The following NTRK2 variants were observed in gnomAD, a reference collection of about 807,000 sequenced individuals.
The protein encoded by NTRK2 is neurotrophic receptor tyrosine kinase 2.
In NTRK2, 13 loss-of-function variants were observed where a neutral mutation model predicts 94.5. The observed-to-expected ratio is 0.14, with a 90% CI of 0.09 to 0.22. NTRK2 has a LOEUF of 0.22. Among genes scored for constraint, NTRK2 ranks in the 10% least tolerant of loss-of-function variants. The pLI is 1.00. For missense variants in NTRK2, 639 were observed against 1,071.2 expected, an observed-to-expected ratio of 0.60 and a Z score of 5.63; for synonymous variants, 372 against 407.4, an observed-to-expected ratio of 0.91 and a Z score of 1.05.
chr9:84,980,119 T>G (rs796076159), intron 17 of NTRK2, among the ~76,000 whole-genome samples: 2 of 152,312 alleles, frequency 1.3e-5, no homozygotes, highest in East Asian at 1.9e-4. Context: ...CTCATCTGGA[T>G]CTCACAATTT....
chr9:84,707,991 G>A, intron 5 of NTRK2, 79 bp downstream of exon 5: 1 of 1,081,480 alleles, frequency 9.2e-7, no homozygotes, highest in South Asian at 1.3e-5. Flanking sequence ...TTTAATGAGT[G>A]ATGTTGCAGA....
chr9:84,797,417 TG>T (rs1398211746), intron 12 of NTRK2, among the ~76,000 whole-genome samples: 1 of 148,418 alleles, frequency 6.7e-6, no homozygotes, highest in Non-Finnish European at 1.5e-5. Flanking sequence ...TAACTAGTTA[TG>T]GGGGATTCCG....
chr9:84,880,294 A>G (rs1046119056), intron 14 of NTRK2, among the ~76,000 whole-genome samples: 14 of 152,164 alleles, frequency 9.2e-5, no homozygotes, highest in Non-Finnish European at 1.9e-4. Context: ...TCTGTAGGCA[A>G]TGCTGGGAGG....
chr9:84,843,461 G>A (rs937289805), intron 12 of NTRK2, among the ~76,000 whole-genome samples: 2 of 152,188 alleles, frequency 1.3e-5, no homozygotes, highest in African/African-American at 4.8e-5. Flanking sequence ...ACTGAGAGGT[G>A]AGCCAGCTGC....
At chr9:84,865,149 A>G (rs1025467363) in intron 13 of NTRK2, among the ~76,000 whole-genome samples, 1 of 152,146 alleles carries the variant, frequency 6.6e-6, no homozygotes, top group African/African-American at 2.4e-5. Flanking sequence ...TTGTCTTTGT[A>G]GTTATTCTTG....
chr9:84,693,106 T>G (rs2060153371), intron 2 of NTRK2, among the ~76,000 whole-genome samples: 1 of 152,218 alleles, frequency 6.6e-6, no homozygotes, highest in Non-Finnish European at 1.5e-5. Flanking sequence ...TTTTTAAATG[T>G]GAAAATTTTC....
chr9:84,879,556 T>G (rs2076194795), intron 14 of NTRK2, among the ~76,000 whole-genome samples: 1 of 152,130 alleles, frequency 6.6e-6, no homozygotes. Flanking sequence ...ATCTTAATAA[T>G]TGCTGCAGTA....
intron 2 of NTRK2, among the ~76,000 whole-genome samples, chr9:84,672,486 T>C (rs2058761502): frequency 6.6e-6 from 1 of 152,022 alleles, no homozygotes; most frequent in Admixed American, 6.6e-5. Flanking sequence ...ATCTTTTTCA[T>C]GAGATGGGGT....
At chr9:85,020,676 C>T (rs1047660146) in intron 18 of NTRK2, among the ~76,000 whole-genome samples, 2 of 152,196 alleles carry the variant, frequency 1.3e-5, no homozygotes, top group African/African-American at 2.4e-5. Context: ...TACAGTCCAG[C>T]AAGTTCTTTA....
intron 9 of NTRK2, among the ~76,000 whole-genome samples, chr9:84,738,820 T>G (rs1008663610): frequency 6.6e-6 from 1 of 152,224 alleles, no homozygotes; most frequent in Admixed American, 6.5e-5. Context: ...CACATTGTCT[T>G]TCTGCGAGTT....
At chr9:84,989,059 C>T (rs1006771783) in intron 17 of NTRK2, among the ~76,000 whole-genome samples, 1 of 152,176 alleles carries the variant, frequency 6.6e-6, no homozygotes, top group Non-Finnish European at 1.5e-5. Context: ...AATCAGAGAA[C>T]ACAGGTTACT....
intron 17 of NTRK2, among the ~76,000 whole-genome samples, chr9:85,018,859 G>A (rs994922507): frequency 1.3e-4 from 20 of 152,144 alleles, no homozygotes; most frequent in Admixed American, 2.6e-4. Flanking sequence ...GGAAATCTAA[G>A]GCCAATGGAA....
chr9:84,766,189 A>G (rs2066008810), intron 12 of NTRK2, among the ~76,000 whole-genome samples: 1 of 152,138 alleles, frequency 6.6e-6, no homozygotes, highest in Non-Finnish European at 1.5e-5. Flanking sequence ...TGCTACGATG[A>G]CACTGGGGCC....
At chr9:84,898,524 CTTATTTCTTATTATTT>C (rs961452766) in intron 14 of NTRK2, among the ~76,000 whole-genome samples, 3 of 150,314 alleles carry the variant, frequency 2.0e-5, no homozygotes, top group Non-Finnish European at 3.0e-5. Context: ...TTTTCTCGTT[CTTATTTCTTATTATTT>C]TTATTTCTTA....
chr9:84,742,235 C>G (rs553101380), intron 10 of NTRK2, among the ~76,000 whole-genome samples: 1 of 152,214 alleles, frequency 6.6e-6, no homozygotes, highest in African/African-American at 2.4e-5. Flanking sequence ...GCCATGGCTA[C>G]CAAGAAAAGG....
intron 14 of NTRK2, chr9:84,877,341 A>G: frequency 9.4e-7 from 1 of 1,066,036 alleles, no homozygotes; most frequent in Non-Finnish European, 1.1e-6. Flanking sequence ...GGGCGGAGCT[A>G]TGTGAAGGGT....
At chr9:84,757,110 A>G (rs1431951913) in intron 12 of NTRK2, among the ~76,000 whole-genome samples, 1 of 152,210 alleles carries the variant, frequency 6.6e-6, no homozygotes, top group Non-Finnish European at 1.5e-5. Flanking sequence ...AGTTGTAGAA[A>G]CATCTGTAAG....
At chr9:84,693,544 A>G (rs1488235326) in intron 2 of NTRK2, among the ~76,000 whole-genome samples, 1 of 152,206 alleles carries the variant, frequency 6.6e-6, no homozygotes, top group African/African-American at 2.4e-5. Context: ...GATATTATCA[A>G]TTCAAATTTC....
At chr9:84,745,599 G>A (rs1467172498) in intron 11 of NTRK2, among the ~76,000 whole-genome samples, 1 of 152,232 alleles carries the variant, frequency 6.6e-6, no homozygotes, top group African/African-American at 2.4e-5. Context: ...AAGTGGAGGA[G>A]CAGATGTTTT....
Sources: allele counts gnomAD v4.1 joint callset (sites outside exome capture counted in the v4.1 genomes callset), GRCh38; gene constraint gnomAD v4.1.1; transcripts MANE v1.5; gene names NCBI Gene and HGNC (gene_info 2026-07-23, HGNC 2026-07-21).